The following ZNF717 variants were observed in gnomAD, a reference collection of about 807,000 sequenced individuals.
ZNF717 encodes the protein krueppel-like factor X17.
A neutral mutation model predicts 13.8 loss-of-function variants in ZNF717; 9 were observed. The ratio of observed to expected loss-of-function variants is 0.65; its 90% confidence interval spans 0.39 to 1.14. The LOEUF is 1.14. ZNF717 is among the 50% of genes most tolerant of loss of function. ZNF717 has a pLI of 0.01. For missense variants in ZNF717, 1,040 were observed against 1,080.7 expected, an observed-to-expected ratio of 0.96 and a Z score of 0.53; for synonymous variants, 327 against 364.1, an observed-to-expected ratio of 0.90 and a Z score of 1.16.
Position 75,769,343 on chromosome 3 carries a change from G to A in ZNF717, c.57+13963C>T, listed in dbSNP as rs534806298. 1.5e-3 allele frequency among the ~76,000 whole-genome samples: 227 copies of A among 151,816 alleles called. 1 individual carries two copies. Among genetic ancestry groups the A allele is most frequent in the Non-Finnish European group, 2.6e-3 (178 of 67,998 alleles). ...AGAGAGGGCTGGGTGCCTACTCCAC[G>A]TCCCCAGCCACTAGAGTCCTTCTGG... On this transcript the variant is annotated intron_variant, in intron 2 of 4. Transcript: ENST00000652011.
rs1466247844 is a variant in ZNF717, at chr3:75,738,431, T to A, written c.1192A>T (p.Ser398Cys). 2 of 1,532,092 alleles carry A rather than the reference T, an allele frequency of 1.3e-6. No individual in the cohort carries two copies. Among genetic ancestry groups the A allele is most frequent in the African/African-American group, 1.4e-5 (1 of 72,532 alleles). The allele number at this position is 1,532,092 out of a possible 1,614,324, so 94.9% of individuals were successfully genotyped here. ...THSGEKPYQC[S>C]ECGKTFSQKS... is the part of the protein sequence containing the mutation. The stretch of plus-strand genomic sequence containing the variant: ...TGGCTAAAGGTTTTTCCACATTCAC[T>A]ACACTGATAGGGCTTTTCCCCTGAG... Residue 398 changes from serine (S) to cysteine (C), a missense_variant, in exon 5 of 5, where the codon AGT becomes TGT. Ser to Cys is a moderately radical substitution (Grantham distance 112). Coordinates refer to ENST00000652011, the MANE Select transcript of ZNF717 (RefSeq NM_001290208.3).
chr3:75,768,140 T>TA (rs1429900756), intron 2 of ZNF717, among the ~76,000 whole-genome samples: 2 of 152,220 alleles, frequency 1.3e-5, no homozygotes, highest in African/African-American at 2.4e-5. Context: ...GACCAACCGT[T>TA]AGACAGGGCC....
At chr3:75,745,611 A>G (rs762382692) in intron 2 of ZNF717, among the ~76,000 whole-genome samples, 78 of 152,078 alleles carry the variant, frequency 5.1e-4, no homozygotes, top group Non-Finnish European at 1.0e-3. Context: ...TCTGATTAAC[A>G]TCACTGCAAC....
chr3:75,702,424 A>T (rs1375513168), intron 6 of ZNF717, among the ~76,000 whole-genome samples: 1 of 152,306 alleles, frequency 6.6e-6, no homozygotes, highest in Non-Finnish European at 1.5e-5. Flanking sequence ...ATTCAAAACA[A>T]TAGGTGTCAT....
At chr3:75,712,432 C>T (rs1194761320) in intron 5 of ZNF717, among the ~76,000 whole-genome samples, 1 of 152,146 alleles carries the variant, frequency 6.6e-6, no homozygotes, top group Non-Finnish European at 1.5e-5. Flanking sequence ...AAGCTTAATC[C>T]TTAGAAAGAC....
intron 2 of ZNF717, among the ~76,000 whole-genome samples, chr3:75,746,424 A>G (rs1405172407): frequency 6.6e-6 from 1 of 152,112 alleles, no homozygotes; most frequent in East Asian, 1.9e-4. Context: ...GTCAAATGGT[A>G]TTTCTAGTTC....
chr3:75,749,177 T>C (rs1941451276), intron 2 of ZNF717, among the ~76,000 whole-genome samples: 1 of 150,314 alleles, frequency 6.7e-6, no homozygotes, highest in Admixed American at 6.6e-5. Flanking sequence ...CGCATAGGAT[T>C]CCAGAACACC....
chr3:75,746,642 C>T (rs796427545), intron 2 of ZNF717, among the ~76,000 whole-genome samples: 4 of 152,172 alleles, frequency 2.6e-5, no homozygotes, highest in Admixed American at 6.6e-5. Flanking sequence ...GTGATGATGA[C>T]CATTTTTTCA....
At chr3:75,764,896 A>G (rs1470430808) in intron 2 of ZNF717, among the ~76,000 whole-genome samples, 2 of 151,944 alleles carry the variant, frequency 1.3e-5, no homozygotes, top group Non-Finnish European at 2.9e-5. Context: ...GACCTCAAAC[A>G]GATATGTGCA....
intron 2 of ZNF717, among the ~76,000 whole-genome samples, chr3:75,768,477 A>G (rs1290565452): frequency 7.3e-6 from 1 of 136,724 alleles, no homozygotes; most frequent in Non-Finnish European, 1.5e-5. Flanking sequence ...ACTGTGGTTG[A>G]GTGTGTGCGG....
chr3:75,747,925 A>G lies in ZNF717; in HGVS notation c.58-6189T>C, dbSNP rs199606967. Among the ~76,000 whole-genome samples, 292 of 152,320 alleles carry G rather than the reference A, an allele frequency of 1.9e-3. 1 individual carries two copies. The highest frequency in any genetic ancestry group is 5.3e-3 in the African/African-American group (219 of 41,576). ...AGGAGCTGGTTTTTTGAAAAGATCA[A>G]CAAAATTGATAGACCACTAGCAAGA... On this transcript the variant is annotated intron_variant, in intron 2 of 4. Coordinates refer to ENST00000652011, the MANE Select transcript of ZNF717 (RefSeq NM_001290208.3).
chr3:75,762,726 C>T (rs1047061199), intron 2 of ZNF717, among the ~76,000 whole-genome samples: 3 of 152,082 alleles, frequency 2.0e-5, no homozygotes, highest in African/African-American at 7.2e-5. Flanking sequence ...CATATGGAAT[C>T]TCCAGGGCCC....
intron 2 of ZNF717, among the ~76,000 whole-genome samples, chr3:75,763,706 G>A (rs1943209916): frequency 1.3e-5 from 2 of 152,226 alleles, no homozygotes; most frequent in Admixed American, 6.5e-5. Context: ...ATAAAAAATG[G>A]AGAAAGTGAG....
chr3:75,704,015 T>C (rs1334447308), intron 6 of ZNF717, among the ~76,000 whole-genome samples: 3 of 152,402 alleles, frequency 2.0e-5, no homozygotes, highest in African/African-American at 7.2e-5. Context: ...TAGCATTTTT[T>C]GTAAGGATAA....
chr3:75,726,140 G>A (rs1938274384), downstream of ZNF717, among the ~76,000 whole-genome samples: 2 of 152,244 alleles, frequency 1.3e-5, no homozygotes, highest in South Asian at 4.1e-4. Context: ...TTTAAAATAA[G>A]TTTTGACCGT....
intron 2 of ZNF717, among the ~76,000 whole-genome samples, chr3:75,770,242 G>A (rs1318176272): frequency 6.6e-6 from 1 of 152,226 alleles, no homozygotes; most frequent in Non-Finnish European, 1.5e-5. Flanking sequence ...CTCTTCTCCT[G>A]TATTCAGAAA....
chr3:75,760,328 G>T (rs1414127856), intron 2 of ZNF717, among the ~76,000 whole-genome samples: 1 of 152,252 alleles, frequency 6.6e-6, no homozygotes, highest in Non-Finnish European at 1.5e-5. Flanking sequence ...GCAGGTGTGA[G>T]CCACTGTGCC....
At position 75,738,773 on chromosome 3, in the gene ZNF717, C is replaced by G. The variant is rs1363247980; in HGVS notation, c.850G>C (p.Glu284Gln). The G allele has an allele frequency of 2.6e-6, 4 of 1,553,158 alleles. No individual in the cohort carries two copies. The East Asian group carries it at 7.3e-5, about 28-fold the overall frequency. Reference sequence around the variant, plus strand: ...GAGGGTTTCTCACATTCAACACATTCATAGGGTTTCTCTCCTGTGTGTGTC... The same window carrying G: ...GAGGGTTTCTCACATTCAACACATTGATAGGGTTTCTCTCCTGTGTGTGTC... ...QQTHTGEKPYECVECEKPSIS... is the reference protein window; with the variant it reads ...QQTHTGEKPYQCVECEKPSIS... Residue 284 changes from glutamate (E) to glutamine (Q), a missense_variant, in exon 5 of 5, where the codon GAA (glutamate) becomes CAA (glutamine). Around this residue, in one of 3 missense-constraint regions of ZNF717, gnomAD observed 873 missense variants for 832.8 expected, o/e 1.05. Transcript: ENST00000652011.
chr3:75,724,023 T>C (rs1361603614), intron 4 of ZNF717, among the ~76,000 whole-genome samples: 1 of 151,898 alleles, frequency 6.6e-6, no homozygotes, highest in Non-Finnish European at 1.5e-5. Context: ...TTAGTGAAAG[T>C]ACTAAAAGTC....
Sources: allele counts gnomAD v4.1 joint callset (sites outside exome capture counted in the v4.1 genomes callset), GRCh38; gene constraint gnomAD v4.1.1; regional missense constraint gnomAD v4.1.1; transcripts MANE v1.5; gene names NCBI Gene and HGNC (gene_info 2026-07-23, HGNC 2026-07-21).